The following NUP214 variants were observed in gnomAD, a reference collection of about 807,000 sequenced individuals.
The protein encoded by NUP214 is nucleoporin 214, also known as nuclear pore complex protein Nup214.
NUP214 carries 79 observed loss-of-function variants against 196.2 expected under a neutral mutation model. The ratio of observed to expected loss-of-function variants is 0.40; its 90% CI spans 0.34 to 0.49. The LOEUF is 0.49. Among genes scored for constraint, NUP214 ranks in the 20% least tolerant of loss-of-function variants. The pLI, the probability that NUP214 is intolerant of heterozygous loss-of-function variation, is 0.58. For missense variants in NUP214, 2,468 were observed against 2,539.0 expected (o/e 0.97, Z 0.60); for synonymous variants, 1,020 against 990.5 (o/e 1.03, Z -0.56).
chr9:131,184,417 T>C (rs1298458058), intron 24 of NUP214, among the ~76,000 whole-genome samples: 2 of 149,882 alleles, frequency 1.3e-5, no homozygotes, highest in Non-Finnish European at 3.0e-5. Flanking sequence ...CACTGCAACC[T>C]CTGTCTCCCG....
chr9:131,139,255 C>CTTTTTTTT (rs200377608), intron 9 of NUP214, 26 bp from the exon 10 acceptor site: 268 of 1,092,850 alleles, frequency 2.5e-4, no homozygotes, highest in South Asian at 8.6e-4. Flanking sequence ...TCTTCTTCTT[C>CTTTTTTTT]TTTTTTTTTT....
At chr9:131,231,999 G>A (rs948333823) in intron 34 of NUP214, among the ~76,000 whole-genome samples, 1 of 151,688 alleles carries the variant, frequency 6.6e-6, no homozygotes, top group African/African-American at 2.4e-5. Flanking sequence ...GAGACCCTCT[G>A]CCTACAGCTG....
At chr9:131,134,482 G>A (rs1445596790) in intron 7 of NUP214, among the ~76,000 whole-genome samples, 2 of 152,038 alleles carry the variant, frequency 1.3e-5, no homozygotes, top group Non-Finnish European at 2.9e-5. Context: ...TAAGATTAGA[G>A]GTTTTTTCTA....
intron 25 of NUP214, among the ~76,000 whole-genome samples, chr9:131,188,536 A>G (rs10901355): frequency 0.17 from 26,224 of 152,258 alleles, 2,779 homozygotes; most frequent in South Asian, 0.23. Context: ...CCATAACTTA[A>G]AATGGCATTT....
chr9:131,161,723 TAG>T (rs1300182402), intron 18 of NUP214, among the ~76,000 whole-genome samples: 2 of 152,222 alleles, frequency 1.3e-5, no homozygotes, highest in African/African-American at 4.8e-5. Context: ...AAAATATACA[TAG>T]AGTCACTTGT....
chr9:131,133,790 A>G (rs1831633421), intron 7 of NUP214: 1 of 152,220 alleles, frequency 6.6e-6, no homozygotes, highest in Non-Finnish European at 1.5e-5. Context: ...GATAAATTTT[A>G]GAAAAGCAAG....
chr9:131,126,137 A>C (rs148046090), intron 1 of NUP214: 8 of 250,288 alleles, frequency 3.2e-5, no homozygotes, highest in Middle Eastern at 1.4e-3. Context: ...GTCACATTTG[A>C]CGCGGGGCTG....
chr9:131,210,814 C>T (rs1457387494), intron 30 of NUP214, among the ~76,000 whole-genome samples: 1 of 152,108 alleles, frequency 6.6e-6, no homozygotes, highest in Non-Finnish European at 1.5e-5. Flanking sequence ...TAGAGCATTT[C>T]TACGATCTAT....
intron 18 of NUP214, 83 bp from the exon 19 acceptor site, chr9:131,162,908 T>G: frequency 7.8e-7 from 1 of 1,278,192 alleles, no homozygotes; most frequent in Non-Finnish European, 1.1e-6. Context: ...ACTGTTACCA[T>G]TGTAGTCTTG....
intron 30 of NUP214, among the ~76,000 whole-genome samples, chr9:131,213,837 T>C (rs1834318386): frequency 6.6e-6 from 1 of 151,940 alleles, no homozygotes; most frequent in African/African-American, 2.4e-5. Flanking sequence ...ACATTAAGTA[T>C]GTTACCCTAA....
At chr9:131,187,124 ATT>A in intron 24 of NUP214, 163 bp from the exon 25 acceptor site, 1 of 594,962 alleles carries the variant, frequency 1.7e-6, no homozygotes, top group Non-Finnish European at 3.0e-6. Context: ...CATTTTTAAA[ATT>A]TATCCTTCAA....
At chr9:131,176,358 G>C (rs189119204) in intron 23 of NUP214, among the ~76,000 whole-genome samples, 15 of 148,964 alleles carry the variant, frequency 1.0e-4, no homozygotes, top group Admixed American at 2.7e-4. Context: ...GGGTCTCACT[G>C]TGTTGCCTAG....
chr9:131,210,554 G>A (rs1270896602), intron 30 of NUP214, among the ~76,000 whole-genome samples: 1 of 150,380 alleles, frequency 6.6e-6, no homozygotes, highest in Non-Finnish European at 1.5e-5. Context: ...TTGAACCCAG[G>A]AGGCAGAGGT....
In NUP214 at chr9:131,197,434, C is replaced by G. The variant is rs1177920965; in HGVS notation, c.3940C>G (p.Pro1314Ala). The G allele has an allele frequency of 1.2e-6, 2 of 1,614,172 alleles. No individual in the cohort carries two copies. Among genetic ancestry groups the G allele is most frequent in the South Asian group, 2.2e-5 (2 of 91,080 alleles). The change falls in exon 29 of 36, where the codon CCG (proline) becomes GCG (alanine). Residue 1314 changes from proline to alanine, a missense_variant. Pro to Ala is a conservative substitution (Grantham distance 27). This residue lies in a region of NUP214 where 1,801 missense variants were observed against 1,779.4 expected (regional missense o/e 1.01). Coordinates refer to ENST00000359428, the MANE Select transcript of NUP214 (RefSeq NM_005085.4). ...CACCTCTAGTAAGCTGGAAACCCCA[C>G]CGTCCAAGCTGGGAGAGCTTCTGTT... ...STTSSKLETP[P>A]SKLGELLFPS...
intron 33 of NUP214, chr9:131,229,986 C>T: frequency 3.0e-6 from 1 of 338,966 alleles, no homozygotes; most frequent in Non-Finnish European, 5.7e-6. Context: ...AGCCGAGTTC[C>T]TCTGCAAACA....
rs1831424742 is a variant in NUP214 at position 131,128,284 on chromosome 9, A to T, written c.242-48A>T. 3.8e-6 allele frequency: 6 copies of T among 1,563,634 alleles called. No homozygotes were observed. In the East Asian group the frequency reaches 1.1e-4, roughly 30 times the overall value. The stretch of plus-strand genomic sequence containing the variant: ...CGAACTGGATAGAGGTTGTGGCTTT[A>T]TGCTTAGAACATACCGTTTTCTGCT... On this transcript the variant is annotated intron_variant, in intron 2 of 35. Transcript: ENST00000359428.
At chr9:131,193,050 T>G (rs117640895) in intron 27 of NUP214, among the ~76,000 whole-genome samples, 2 of 151,914 alleles carry the variant, frequency 1.3e-5, no homozygotes, top group African/African-American at 4.8e-5. Flanking sequence ...TGAGGTTTTA[T>G]ATAGATGTGG....
In NUP214 at chr9:131,135,015, A is replaced by C; in HGVS notation, c.938+11A>C. 4 of 1,569,074 alleles carry C rather than the reference A, an allele frequency of 2.5e-6. No individual in the cohort carries two copies. The highest frequency in any genetic ancestry group is 3.5e-6 in the Non-Finnish European group (4 of 1,139,288). On this transcript the variant is annotated intron_variant, in intron 8 of 35. Transcript: ENST00000359428. ...TTACATTGAGGAATGGTGAGCAGAGAGTCTGGACAGGGCATTCCTGCTCTC... is the reference window on the plus strand; with the variant it reads ...TTACATTGAGGAATGGTGAGCAGAGCGTCTGGACAGGGCATTCCTGCTCTC...
chr9:131,135,176 A>C, intron 8 of NUP214, 172 bp downstream of exon 8: 1 of 539,484 alleles, frequency 1.9e-6, no homozygotes, highest in Non-Finnish European at 3.3e-6. Context: ...AGAAGCCTGG[A>C]ACTCCCAGGC....
Sources: allele counts gnomAD v4.1 joint callset (sites outside exome capture counted in the v4.1 genomes callset), GRCh38; gene constraint gnomAD v4.1.1; regional missense constraint gnomAD v4.1.1; transcripts MANE v1.5; gene names NCBI Gene and HGNC (gene_info 2026-07-23, HGNC 2026-07-21).